MYO16: variants seen among roughly 807,000 people sequenced by gnomAD.
MYO16 encodes myosin XVI.
MYO16 carries 94 observed loss-of-function variants against 205.3 expected under a neutral mutation model. The observed-to-expected ratio is 0.46, with a 90% confidence interval of 0.39 to 0.54. The LOEUF (loss-of-function observed/expected upper bound fraction) is 0.54, where lower values mean the gene tolerates loss of function less well. Ranked by LOEUF, MYO16 falls within the 20% of genes least tolerant of loss-of-function variation. MYO16 has a pLI of 0.00. For missense variants in MYO16, 2,315 were observed against 2,387.5 expected, an observed-to-expected ratio of 0.97 and a Z score of 0.63; for synonymous variants, 988 against 954.0, an observed-to-expected ratio of 1.04 and a Z score of -0.66.
intron 21 of MYO16, among the ~76,000 whole-genome samples, chr13:108,999,911 T>C (rs1272167309): frequency 6.6e-6 from 1 of 152,244 alleles, no homozygotes; most frequent in Non-Finnish European, 1.5e-5. Context: ...TTATTTATTC[T>C]ATTATGTTTA....
chr13:109,191,295 G>T (rs997860207), intron 34 of MYO16, among the ~76,000 whole-genome samples: 2 of 152,038 alleles, frequency 1.3e-5, no homozygotes, highest in Middle Eastern at 3.2e-3. Context: ...CTTGTACTAG[G>T]CACAAGTCTA....
At chr13:108,718,299 G>A (rs144002955) in intron 3 of MYO16, among the ~76,000 whole-genome samples, 35 of 152,164 alleles carry the variant, frequency 2.3e-4, no homozygotes, top group African/African-American at 8.2e-4. Flanking sequence ...CACCCACCTG[G>A]ACATTGGCCA....
intron 20 of MYO16, among the ~76,000 whole-genome samples, chr13:108,985,874 A>G (rs1426851986): frequency 1.3e-5 from 2 of 152,168 alleles, no homozygotes; most frequent in African/African-American, 2.4e-5. Context: ...TTTGTTTTCT[A>G]CTGTTTTATT....
chr13:108,933,497 ATGTG>A (rs34277540), intron 16 of MYO16, among the ~76,000 whole-genome samples: 7 of 149,622 alleles, frequency 4.7e-5, no homozygotes, highest in Admixed American at 1.3e-4. Context: ...GATTATTTGG[ATGTG>A]TGTGTGTGTG....
At chr13:109,045,728 A>G (rs187465812) in intron 23 of MYO16, among the ~76,000 whole-genome samples, 187 of 152,294 alleles carry the variant, frequency 1.2e-3, no homozygotes, top group African/African-American at 4.4e-3. Flanking sequence ...AGCCTATAGA[A>G]AGGAAGTTGC....
At chr13:109,155,268 G>A (rs1176309346) in intron 32 of MYO16, among the ~76,000 whole-genome samples, 2 of 152,128 alleles carry the variant, frequency 1.3e-5, no homozygotes. Flanking sequence ...TGAAGGAGGA[G>A]CAGACATTTC....
intron 3 of MYO16, among the ~76,000 whole-genome samples, chr13:108,714,594 G>GTGTGTGTC (rs79219142): frequency 0.3 from 41,153 of 138,560 alleles, 5,741 homozygotes; most frequent in Middle Eastern, 0.37. Flanking sequence ...GTGTGTGTCT[G>GTGTGTGTC]TGTGTGTGTG....
intron 1 of MYO16, among the ~76,000 whole-genome samples, chr13:108,645,308 A>T (rs1880702775): frequency 6.6e-6 from 1 of 152,220 alleles, no homozygotes; most frequent in Non-Finnish European, 1.5e-5. Context: ...CACATAAAAG[A>T]CGGTCATAAA....
At chr13:108,688,706 A>G (rs9514878) in intron 2 of MYO16, among the ~76,000 whole-genome samples, 81,482 of 151,994 alleles carry the variant, frequency 0.54, 22,319 homozygotes, top group East Asian at 0.7. Context: ...TGAACTTTTT[A>G]TGCAGGTGGG....
intron 1 of MYO16, among the ~76,000 whole-genome samples, chr13:108,634,021 C>G (rs72664964): frequency 0.18 from 26,966 of 152,126 alleles, 2,872 homozygotes; most frequent in Non-Finnish European, 0.24. Flanking sequence ...AGGTGGAACC[C>G]CCCTTTCCAG....
At chr13:108,677,697 GCTCCCTT>G (rs1882293506) in intron 2 of MYO16, among the ~76,000 whole-genome samples, 1 of 151,930 alleles carries the variant, frequency 6.6e-6, no homozygotes, top group Non-Finnish European at 1.5e-5. Context: ...TCTTAGAGCT[GCTCCCTT>G]CTCATAAGCC....
intron 21 of MYO16, among the ~76,000 whole-genome samples, chr13:108,997,882 G>T (rs1885086695): frequency 6.6e-6 from 1 of 152,108 alleles, no homozygotes; most frequent in Non-Finnish European, 1.5e-5. Flanking sequence ...TTATCTTCAA[G>T]CCAGGCTTTA....
intron 34 of MYO16, among the ~76,000 whole-genome samples, chr13:109,202,009 C>T (rs2146974): frequency 0.64 from 97,108 of 151,706 alleles, 33,050 homozygotes; most frequent in African/African-American, 0.86. Flanking sequence ...ATACATCATA[C>T]ATATCATATA....
intron 8 of MYO16, among the ~76,000 whole-genome samples, chr13:108,821,503 T>C (rs1001279573): frequency 1.8e-4 from 27 of 152,164 alleles, no homozygotes; most frequent in Non-Finnish European, 3.4e-4. Flanking sequence ...CATTTTTAGA[T>C]ATTTTCTTTT....
At chr13:109,085,318 A>G (rs1378520969) in intron 27 of MYO16, among the ~76,000 whole-genome samples, 1 of 152,198 alleles carries the variant, frequency 6.6e-6, no homozygotes, top group Non-Finnish European at 1.5e-5. Context: ...ATTTAGTTGA[A>G]GTTGTAGAGA....
At chr13:108,783,905 G>T (rs546027353) in intron 4 of MYO16, among the ~76,000 whole-genome samples, 86 of 152,264 alleles carry the variant, frequency 5.6e-4, no homozygotes, top group African/African-American at 1.8e-3. Flanking sequence ...TTTTGGGTAT[G>T]TCTCTAACAG....
At chr13:109,182,050 C>G (rs1460046120) in intron 34 of MYO16, among the ~76,000 whole-genome samples, 1 of 151,978 alleles carries the variant, frequency 6.6e-6, no homozygotes, top group Non-Finnish European at 1.5e-5. Flanking sequence ...AACTCCTGAC[C>G]TCAGTGATCC....
chr13:108,704,208 A>G (rs1189845411), intron 2 of MYO16, among the ~76,000 whole-genome samples: 1 of 152,226 alleles, frequency 6.6e-6, no homozygotes, highest in African/African-American at 2.4e-5. Context: ...ATTAACCAGA[A>G]TACTCCTAAA....
chr13:108,551,115 G>A, the MYO16 span, among the ~76,000 whole-genome samples: 3 of 151,968 alleles, frequency 2.0e-5, no homozygotes, highest in African/African-American at 7.3e-5. Flanking sequence ...CTTAAATAGG[G>A]GGGTTCTAAA....
Sources: allele counts gnomAD v4.1 joint callset (sites outside exome capture counted in the v4.1 genomes callset), GRCh38; gene constraint gnomAD v4.1.1; transcripts MANE v1.5; gene names NCBI Gene and HGNC (gene_info 2026-07-23, HGNC 2026-07-21).